The following SRPK2 variants were observed in gnomAD, a reference collection of about 807,000 sequenced individuals.
SRPK2 encodes the protein SRSF protein kinase 2.
A neutral mutation model predicts 90.8 loss-of-function variants in SRPK2; 21 were observed. The observed-to-expected ratio is 0.23, with a 90% CI of 0.16 to 0.33. The LOEUF (loss-of-function observed/expected upper bound fraction) is 0.33, where lower values mean the gene tolerates loss of function less well. Ranked by LOEUF, SRPK2 falls within the 10% of genes least tolerant of loss-of-function variation. The probability of loss-of-function intolerance (pLI) is 1.00; values close to 1 mark genes in which losing one functional copy is unlikely to be tolerated. For missense variants in SRPK2, 620 were observed against 869.0 expected (o/e 0.71, Z 3.60); for synonymous variants, 288 against 311.1 (o/e 0.93, Z 0.78).
intron 2 of SRPK2, among the ~76,000 whole-genome samples, chr7:105,294,344 T>C (rs954178762): frequency 1.3e-5 from 2 of 152,224 alleles, no homozygotes; most frequent in Non-Finnish European, 2.9e-5. Context: ...TAGCAAGGTA[T>C]GAATCCAATA....
chr7:105,258,432 A>AAG (rs1237184037), intron 2 of SRPK2, among the ~76,000 whole-genome samples: 4 of 146,674 alleles, frequency 2.7e-5, no homozygotes, highest in African/African-American at 5.0e-5. Context: ...AAAAAAAAAA[A>AAG]AAAGAAAGAA....
intron 2 of SRPK2, among the ~76,000 whole-genome samples, chr7:105,288,006 T>G (rs1808399520): frequency 6.6e-6 from 1 of 152,154 alleles, no homozygotes; most frequent in Non-Finnish European, 1.5e-5. Flanking sequence ...GCCTCCAAAA[T>G]GCCAATTTTC....
intron 11 of SRPK2, among the ~76,000 whole-genome samples, chr7:105,138,234 T>G (rs1803179657): frequency 6.6e-6 from 1 of 152,188 alleles, no homozygotes; most frequent in Non-Finnish European, 1.5e-5. Flanking sequence ...TAGCACTGAA[T>G]CAGATGCTGA....
intron 2 of SRPK2, among the ~76,000 whole-genome samples, chr7:105,251,761 G>A (rs1431123285): frequency 6.6e-6 from 1 of 152,198 alleles, no homozygotes; most frequent in African/African-American, 2.4e-5. Flanking sequence ...TAATCACCAT[G>A]TGGGGGTGTG....
intron 6 of SRPK2, among the ~76,000 whole-genome samples, chr7:105,164,899 G>A (rs888732679): frequency 6.6e-6 from 1 of 152,172 alleles, no homozygotes; most frequent in Non-Finnish European, 1.5e-5. Context: ...AAAGAAGCCA[G>A]AAGACCACAG....
intron 2 of SRPK2, among the ~76,000 whole-genome samples, chr7:105,307,361 AAAG>A (rs1418709731): frequency 6.6e-6 from 1 of 152,250 alleles, no homozygotes; most frequent in Non-Finnish European, 1.5e-5. Context: ...GATAACCCAA[AAAG>A]AAGTATAGAG....
At chr7:105,348,012 G>C (rs1005293579) in intron 2 of SRPK2, among the ~76,000 whole-genome samples, 1 of 149,466 alleles carries the variant, frequency 6.7e-6, no homozygotes, top group Non-Finnish European at 1.5e-5. Context: ...TTTCAAATTA[G>C]TCCATACCAG....
chr7:105,383,745 G>T (rs1289473616), intron 2 of SRPK2, among the ~76,000 whole-genome samples: 5 of 152,048 alleles, frequency 3.3e-5, no homozygotes, highest in African/African-American at 1.2e-4. Flanking sequence ...AAGGAACAAT[G>T]GATAAATGGA....
chr7:105,232,717 TAA>T (rs34306095), intron 2 of SRPK2, among the ~76,000 whole-genome samples: 1 of 150,346 alleles, frequency 6.7e-6, no homozygotes, highest in African/African-American at 2.4e-5. Context: ...ACAATAATAA[TAA>T]AAAAAAAAAA....
intron 3 of SRPK2, among the ~76,000 whole-genome samples, chr7:105,178,902 C>T (rs1380475281): frequency 6.6e-6 from 1 of 151,836 alleles, no homozygotes; most frequent in Non-Finnish European, 1.5e-5. Context: ...GTAATTTAAA[C>T]CACAATTTAA....
intron 2 of SRPK2, among the ~76,000 whole-genome samples, chr7:105,214,874 C>T (rs1441753956): frequency 6.6e-6 from 1 of 152,050 alleles, no homozygotes; most frequent in African/African-American, 2.4e-5. Flanking sequence ...TGCAAGGTCC[C>T]AGAATAGTCA....
chr7:105,378,671 G>A (rs1820587086), intron 2 of SRPK2, among the ~76,000 whole-genome samples: 1 of 151,594 alleles, frequency 6.6e-6, no homozygotes, highest in East Asian at 1.9e-4. Flanking sequence ...GCTGAGGCAG[G>A]AGAATTGCTT....
At chr7:105,364,155 C>T (rs1818751714) in intron 2 of SRPK2, among the ~76,000 whole-genome samples, 1 of 151,932 alleles carries the variant, frequency 6.6e-6, no homozygotes, top group African/African-American at 2.4e-5. Flanking sequence ...GCATGCTGTG[C>T]ACATGTACCC....
chr7:105,288,136 T>A (rs2130952597), intron 2 of SRPK2, among the ~76,000 whole-genome samples: 1 of 152,334 alleles, frequency 6.6e-6, no homozygotes, highest in East Asian at 1.9e-4. Flanking sequence ...TTCTATCATT[T>A]AAAAAGGAAG....
intron 13 of SRPK2, among the ~76,000 whole-genome samples, chr7:105,128,172 A>T (rs1006365): frequency 0.43 from 64,283 of 151,252 alleles, 15,436 homozygotes; most frequent in South Asian, 0.55. Context: ...CACCTTTTTT[A>T]AAAAAAAAGA....
At chr7:105,359,895 C>T (rs542769587) in intron 2 of SRPK2, among the ~76,000 whole-genome samples, 30 of 152,174 alleles carry the variant, frequency 2.0e-4, no homozygotes, top group Non-Finnish European at 3.2e-4. Flanking sequence ...CTATTAGGTC[C>T]GCTTGGTGCA....
intron 2 of SRPK2, among the ~76,000 whole-genome samples, chr7:105,333,828 T>C (rs1402391432): frequency 6.6e-6 from 1 of 152,242 alleles, no homozygotes; most frequent in Non-Finnish European, 1.5e-5. Flanking sequence ...CCAACTAATA[T>C]ACTATATTTA....
At chr7:105,277,183 T>TCCCCTGTCTCAGC (rs1806631800) in intron 2 of SRPK2, among the ~76,000 whole-genome samples, 1 of 151,990 alleles carries the variant, frequency 6.6e-6, no homozygotes, top group African/African-American at 2.4e-5. Flanking sequence ...TTCACACCAG[T>TCCCCTGTCTCAGC]CTCCTGTCTC....
intron 3 of SRPK2, among the ~76,000 whole-genome samples, chr7:105,201,018 TGTACTAAA>T (rs1345869054): frequency 6.6e-6 from 1 of 152,162 alleles, no homozygotes; most frequent in Non-Finnish European, 1.5e-5. Flanking sequence ...GTAGGTAAAA[TGTACTAAA>T]GTATTCAGGG....
Sources: gnomAD v4.1 joint callset for allele counts (sites outside exome capture counted in the v4.1 genomes callset) on GRCh38, gnomAD v4.1.1 for gene constraint, MANE v1.5 for transcripts, NCBI Gene and HGNC (gene_info 2026-07-23, HGNC 2026-07-21) for gene names.